The following TRAPPC2 variants were observed in gnomAD, a reference collection of about 807,000 sequenced individuals.
The protein encoded by TRAPPC2 is trafficking protein particle complex subunit 2.
A neutral mutation model predicts 10.0 loss-of-function variants in TRAPPC2; 4 were observed. The ratio of observed to expected loss-of-function variants is 0.40; its 90% CI spans 0.20 to 0.92. The LOEUF (loss-of-function observed/expected upper bound fraction) is 0.92, where lower values mean the gene tolerates loss of function less well. Ranked by LOEUF, TRAPPC2 falls within the 40% of genes least tolerant of loss-of-function variation. The pLI, the probability that TRAPPC2 is intolerant of heterozygous loss-of-function variation, is 0.35. For synonymous variants in TRAPPC2, 36 were observed against 37.3 expected (o/e 0.97, Z 0.12); for missense variants, 52 against 108.7 (o/e 0.48, Z 2.32).
rs1386289574 is a variant in TRAPPC2 at position 13,720,135 on chromosome X, A to T, written c.-19-153T>A. The T allele has an allele frequency of 9.0e-6, 3 of 333,341 alleles. No homozygotes were observed. The East Asian group carries it at 1.4e-4, about 15-fold the overall frequency. 27.5% of individuals were successfully genotyped at this position (333,341 alleles called of 1,213,427 possible). A position where few individuals can be genotyped will look rare whatever the true frequency, so the allele number is the denominator to read the frequency against. On this transcript the variant is annotated intron_variant, in intron 2 of 5. Coordinates refer to ENST00000380579, the MANE Select transcript of TRAPPC2 (RefSeq NM_001011658.4). ...GGCAGTTTCCAGTATACTAGCGAAGATACGTAGCTTCTGGAATAAACAAAT... is the reference window on the plus strand; with the variant it reads ...GGCAGTTTCCAGTATACTAGCGAAGTTACGTAGCTTCTGGAATAAACAAAT...
At chrX:13,717,566 A>G (rs1342455882) in intron 3 of TRAPPC2, among the ~76,000 whole-genome samples, 2 of 110,624 alleles carry the variant, frequency 1.8e-5, no homozygotes, top group Admixed American at 1.9e-4. Context: ...ATATGGTGAA[A>G]TCCCATCTCT....
intron 3 of TRAPPC2, among the ~76,000 whole-genome samples, chrX:13,717,449 A>C (rs1159860611): frequency 8.9e-6 from 1 of 112,212 alleles, no homozygotes; most frequent in African/African-American, 3.2e-5. Flanking sequence ...TTCTTTGAAA[A>C]TACATTTTTT....
chrX:13,712,580 A>T lies in TRAPPC2; in HGVS notation c.*1827T>A, dbSNP rs1302193775. ...ACAATTTTTTACAAGTACGAGTATC[A>T]ACAGTTTACTGTCTGAGGGAAAGGA... On this transcript the variant is annotated 3_prime_UTR_variant, in exon 6 of 6. Coordinates refer to ENST00000380579, the MANE Select transcript of TRAPPC2 (RefSeq NM_001011658.4). The T allele has an allele frequency of 8.9e-6, 1 of 112,493 alleles. No individual in the cohort carries two copies. The highest frequency in any genetic ancestry group is 1.9e-5 in the Non-Finnish European group (1 of 53,334). The allele number at this position is 112,493 out of a possible 1,213,427, so 9.3% of individuals were successfully genotyped here.
At chrX:13,725,572 A>G (rs945056481) in intron 2 of TRAPPC2, among the ~76,000 whole-genome samples, 3 of 112,140 alleles carry the variant, frequency 2.7e-5, no homozygotes, top group African/African-American at 9.7e-5. Flanking sequence ...ATCAACAAAA[A>G]CAACATCTAC....
Position 13,734,620 on chromosome X carries a change from C to G in TRAPPC2, c.-257G>C. The G allele has an allele frequency of 1.2e-6, 1 of 814,407 alleles. No homozygotes were observed. Among genetic ancestry groups the G allele is most frequent in the Non-Finnish European group, 1.5e-6 (1 of 661,913 alleles). The allele number at this position is 814,407 out of a possible 1,213,427, so 67.1% of individuals were successfully genotyped here. ...AGCCAGAACGCCGAAGCAGTTCTCG[C>G]GATACCCTGGGATGTGCTCTCGCGA... On this transcript the variant is annotated 5_prime_UTR_variant, in exon 1 of 6. Coordinates refer to ENST00000380579, the MANE Select transcript of TRAPPC2 (RefSeq NM_001011658.4).
Position 13,713,883 on chromosome X carries a change from CGCCTGT to C in TRAPPC2, c.*518_*523del, listed in dbSNP as rs2046249456. 1 of 109,988 alleles carries C rather than the reference CGCCTGT, an allele frequency of 9.1e-6. No homozygotes were observed. The highest frequency in any genetic ancestry group is 1.9e-5 in the Non-Finnish European group (1 of 52,767). The allele number at this position is 109,988 out of a possible 1,213,427, so 9.1% of individuals were successfully genotyped here. A position where few individuals can be genotyped will look rare whatever the true frequency, so the allele number is the denominator to read the frequency against. On this transcript the variant is annotated 3_prime_UTR_variant, in exon 6 of 6. Coordinates refer to ENST00000380579, the MANE Select transcript of TRAPPC2 (RefSeq NM_001011658.4). ...TTTCATGGTTGGGCACGGTGGCTCA[CGCCTGT>C]AATCCCAGTACTTTGGGAGGCCAAG...
At chrX:13,730,821 A>G (rs1294083991) in intron 2 of TRAPPC2, among the ~76,000 whole-genome samples, 4 of 109,200 alleles carry the variant, frequency 3.7e-5, no homozygotes, top group African/African-American at 1.3e-4. Flanking sequence ...ACAAGGACAG[A>G]AAAGCAAACA....
chrX:13,732,489 G>A (rs1165225569), intron 2 of TRAPPC2, among the ~76,000 whole-genome samples: 1 of 112,997 alleles, frequency 8.8e-6, no homozygotes, highest in East Asian at 2.8e-4. Flanking sequence ...CCAGGAACTG[G>A]CGCTGAGAAA....
chrX:13,729,051 G>T (rs2046615591), intron 2 of TRAPPC2, among the ~76,000 whole-genome samples: 1 of 111,530 alleles, frequency 9.0e-6, no homozygotes, highest in African/African-American at 3.3e-5. Flanking sequence ...GGACGTGAAG[G>T]ACCTCTTCAA....
intron 3 of TRAPPC2, 75 bp from the exon 4 acceptor site, chrX:13,716,753 A>G (rs2046294928): frequency 9.2e-7 from 1 of 1,088,142 alleles, no homozygotes; most frequent in Non-Finnish European, 1.3e-6. Flanking sequence ...CATTCTGTAA[A>G]TTCTATAGAT....
Position 13,713,751 on chromosome X carries a change from GC to G in TRAPPC2, c.*655del, listed in dbSNP as rs1403898592. ...TGCTTGAACCCGGGAGGTGGAGGTT[GC>G]AGTGAGCCAAGATCGTGCCACTGCA... On this transcript the variant is annotated 3_prime_UTR_variant, in exon 6 of 6. Transcript: ENST00000380579. The G allele has an allele frequency of 9.2e-6, 1 of 108,139 alleles. No individual in the cohort carries two copies. Among genetic ancestry groups the G allele is most frequent in the African/African-American group, 3.4e-5 (1 of 29,454 alleles). The allele number at this position is 108,139 out of a possible 1,213,427, so 8.9% of individuals were successfully genotyped here.
intron 2 of TRAPPC2, among the ~76,000 whole-genome samples, chrX:13,730,958 C>G (rs1384557389): frequency 9.1e-6 from 1 of 110,386 alleles, no homozygotes; most frequent in Non-Finnish European, 1.9e-5. Flanking sequence ...AGGAGGAATA[C>G]CTAATGTAAA....
intron 5 of TRAPPC2, 93 bp downstream of exon 5, chrX:13,715,911 T>C (rs1193925876): frequency 1.9e-6 from 2 of 1,075,011 alleles, no homozygotes; most frequent in East Asian, 7.1e-5. Context: ...AAAGGTAAAC[T>C]GCAGCCTAAG....
chrX:13,717,048 A>C (rs1394774608), intron 3 of TRAPPC2, among the ~76,000 whole-genome samples: 4 of 104,049 alleles, frequency 3.8e-5, no homozygotes, highest in East Asian at 3.0e-4. Context: ...AAAAAAAAAA[A>C]AAAAAAAAAA....
At chrX:13,733,155 T>C (rs77935405) in intron 2 of TRAPPC2, among the ~76,000 whole-genome samples, 1 of 110,753 alleles carries the variant, frequency 9.0e-6, no homozygotes, top group African/African-American at 3.3e-5. Context: ...TTTTTTTTTT[T>C]AAACAGTGGA....
At chrX:13,720,292 A>G in intron 2 of TRAPPC2, 2 of 142,350 alleles carry the variant, frequency 1.4e-5, no homozygotes, top group Non-Finnish European at 2.8e-5. Context: ...AGGGGCCCTA[A>G]GTGTCTGGTA....
chrX:13,722,926 G>A (rs1287153757), intron 2 of TRAPPC2, among the ~76,000 whole-genome samples: 2 of 110,108 alleles, frequency 1.8e-5, no homozygotes, highest in Non-Finnish European at 3.8e-5. Flanking sequence ...AGCCGAGTGT[G>A]GTGGTGGGCA....
At chrX:13,717,184 G>A (rs1270066360) in intron 3 of TRAPPC2, among the ~76,000 whole-genome samples, 6 of 110,803 alleles carry the variant, frequency 5.4e-5, no homozygotes, top group Admixed American at 2.9e-4. Flanking sequence ...TTGAAATGGC[G>A]CTTATAACGG....
intron 3 of TRAPPC2, among the ~76,000 whole-genome samples, chrX:13,718,264 G>A (rs2046337503): frequency 8.8e-6 from 1 of 113,146 alleles, no homozygotes; most frequent in South Asian, 3.6e-4. Context: ...CGTTGCCGTG[G>A]AATCCCATGC....
Sources: allele counts gnomAD v4.1 joint callset (sites outside exome capture counted in the v4.1 genomes callset), GRCh38; gene constraint gnomAD v4.1.1; transcripts MANE v1.5; gene names NCBI Gene and HGNC (gene_info 2026-07-23, HGNC 2026-07-21).